ATRNL1: variants seen among roughly 807,000 people sequenced by gnomAD.
The protein encoded by ATRNL1 is attractin-like protein 1.
A neutral mutation model predicts 182.7 loss-of-function variants in ATRNL1; 95 were observed. The observed-to-expected ratio is 0.52, with a 90% CI of 0.44 to 0.62. ATRNL1 has a LOEUF of 0.62. Among genes scored for constraint, ATRNL1 ranks in the 20% least tolerant of loss-of-function variants. The pLI is 0.00. For missense variants in ATRNL1, 1,471 were observed against 1,679.5 expected, an observed-to-expected ratio of 0.88 and a Z score of 2.17; for synonymous variants, 576 against 568.3, an observed-to-expected ratio of 1.01 and a Z score of -0.19.
chr10:115,760,211 G>T (rs1313883155), intron 27 of ATRNL1, among the ~76,000 whole-genome samples: 1 of 151,140 alleles, frequency 6.6e-6, no homozygotes, highest in Non-Finnish European at 1.5e-5. Context: ...TATATTTGTG[G>T]TTTTGGTTTT....
chr10:115,160,295 G>A (rs782654612), intron 6 of ATRNL1, 81 bp downstream of exon 6: 60 of 1,335,440 alleles, frequency 4.5e-5, no homozygotes, highest in Non-Finnish European at 4.8e-5. Flanking sequence ...ATTGTTGTCC[G>A]AGAGTAAAAG....
intron 25 of ATRNL1, among the ~76,000 whole-genome samples, chr10:115,526,591 G>A (rs969864997): frequency 6.6e-6 from 1 of 152,190 alleles, no homozygotes; most frequent in Non-Finnish European, 1.5e-5. Context: ...GCCAGGAACT[G>A]TGTTCCACCC....
At chr10:115,672,360 C>G (rs1034664157) in intron 26 of ATRNL1, among the ~76,000 whole-genome samples, 2 of 152,104 alleles carry the variant, frequency 1.3e-5, no homozygotes, top group Admixed American at 6.6e-5. Flanking sequence ...CTTTTTCCAA[C>G]TTATTGTATT....
At chr10:115,154,861 A>T (rs1216036001) in intron 5 of ATRNL1, among the ~76,000 whole-genome samples, 2 of 151,918 alleles carry the variant, frequency 1.3e-5, no homozygotes. Flanking sequence ...CAAGACAGGC[A>T]CTCTTAGACT....
intron 27 of ATRNL1, among the ~76,000 whole-genome samples, chr10:115,764,259 C>G (rs1484881354): frequency 1.3e-5 from 2 of 152,146 alleles, no homozygotes; most frequent in African/African-American, 4.8e-5. Flanking sequence ...TTATCAGCAT[C>G]CCCACCAGAG....
At chr10:115,683,425 A>G (rs1946112590) in intron 26 of ATRNL1, among the ~76,000 whole-genome samples, 1 of 151,750 alleles carries the variant, frequency 6.6e-6, no homozygotes, top group Non-Finnish European at 1.5e-5. Flanking sequence ...GGAAAGCATT[A>G]TTTCTACCTT....
At chr10:115,367,753 T>C (rs1177281737) in intron 19 of ATRNL1, among the ~76,000 whole-genome samples, 4 of 102,522 alleles carry the variant, frequency 3.9e-5, no homozygotes, top group East Asian at 2.1e-4. Flanking sequence ...GACCCTCAGC[T>C]GCAGGTCTGT....
chr10:115,368,940 C>T (rs1366729554), intron 19 of ATRNL1, among the ~76,000 whole-genome samples: 1 of 151,990 alleles, frequency 6.6e-6, no homozygotes, highest in East Asian at 1.9e-4. Context: ...TCTTGAACTC[C>T]TGACCTCAGG....
intron 26 of ATRNL1, among the ~76,000 whole-genome samples, chr10:115,679,337 G>T (rs1945973166): frequency 6.6e-6 from 1 of 151,792 alleles, no homozygotes; most frequent in Non-Finnish European, 1.5e-5. Context: ...TTTAATTCCA[G>T]GTTTGTTGTT....
At chr10:115,610,940 A>G (rs1257567664) in intron 26 of ATRNL1, among the ~76,000 whole-genome samples, 1 of 152,206 alleles carries the variant, frequency 6.6e-6, no homozygotes, top group African/African-American at 2.4e-5. Flanking sequence ...AGGGACAATA[A>G]TAAATATAAA....
At chr10:115,201,040 C>T (rs1384825259) in intron 8 of ATRNL1, among the ~76,000 whole-genome samples, 3 of 147,120 alleles carry the variant, frequency 2.0e-5, no homozygotes, top group South Asian at 4.3e-4. Context: ...TGAGAAGTGT[C>T]TGTTCATACC....
intron 26 of ATRNL1, chr10:115,597,942 G>C (rs782046067): frequency 1.2e-5 from 2 of 166,226 alleles, no homozygotes; most frequent in East Asian, 3.8e-4. Context: ...GTGATATATA[G>C]ATTATTTTTG....
At chr10:115,790,569 G>A (rs1949506689) in intron 27 of ATRNL1, among the ~76,000 whole-genome samples, 1 of 151,734 alleles carries the variant, frequency 6.6e-6, no homozygotes, top group Admixed American at 6.6e-5. Context: ...TTTGAGTGAG[G>A]GTAGAGAGAG....
At chr10:115,405,991 C>A (rs1271485256) in intron 20 of ATRNL1, among the ~76,000 whole-genome samples, 1 of 151,888 alleles carries the variant, frequency 6.6e-6, no homozygotes, top group African/African-American at 2.4e-5. Flanking sequence ...TGGTTTCTAG[C>A]TTCATCCATG....
intron 26 of ATRNL1, among the ~76,000 whole-genome samples, chr10:115,725,654 G>T (rs187783196): frequency 6.0e-4 from 91 of 151,866 alleles, no homozygotes; most frequent in Admixed American, 1.2e-3. Context: ...AGGGTAGATT[G>T]TATATTTGTG....
chr10:115,167,829 C>T (rs1297576479), intron 7 of ATRNL1, among the ~76,000 whole-genome samples: 2 of 151,998 alleles, frequency 1.3e-5, no homozygotes, highest in Admixed American at 6.6e-5. Flanking sequence ...CCATACATTT[C>T]ACTCATTTAA....
chr10:115,584,807 C>T (rs1228540119), intron 26 of ATRNL1, among the ~76,000 whole-genome samples: 4 of 151,844 alleles, frequency 2.6e-5, no homozygotes, highest in African/African-American at 9.7e-5. Context: ...AATGTGTTTG[C>T]TCTTGCTTTT....
intron 26 of ATRNL1, among the ~76,000 whole-genome samples, chr10:115,709,317 C>T (rs1335854951): frequency 1.3e-5 from 2 of 151,806 alleles, no homozygotes; most frequent in Admixed American, 6.6e-5. Flanking sequence ...ATTCAGATAC[C>T]TTGCATGTCT....
Position 115,944,837 on chromosome 10 carries a change from C to T in ATRNL1, c.*58C>T. On this transcript the variant is annotated 3_prime_UTR_variant, in exon 29 of 29. Transcript: ENST00000355044. ...GTTTTACTTCGGGCTTCTGTTAAAGCTGTTCTATGGCCTTGGATTTTATGG... is the reference window on the plus strand; with the variant it reads ...GTTTTACTTCGGGCTTCTGTTAAAGTTGTTCTATGGCCTTGGATTTTATGG... 2 of 1,559,118 alleles carry T rather than the reference C, an allele frequency of 1.3e-6. No individual in the cohort carries two copies. The highest frequency in any genetic ancestry group is 1.7e-6 in the Non-Finnish European group (2 of 1,151,004).
Sources: gnomAD v4.1 joint callset for allele counts (sites outside exome capture counted in the v4.1 genomes callset) on GRCh38, gnomAD v4.1.1 for gene constraint, MANE v1.5 for transcripts, NCBI Gene and HGNC (gene_info 2026-07-23, HGNC 2026-07-21) for gene names.